Variants in EPS15L1 observed in about 807,000 individuals in gnomAD.
EPS15L1 encodes epidermal growth factor receptor substrate 15-like 1.
In EPS15L1, 43 loss-of-function variants were observed where a neutral mutation model predicts 117.1. That is an observed-to-expected ratio of 0.37 (90% CI 0.29 to 0.47). The LOEUF (loss-of-function observed/expected upper bound fraction) is 0.47, where lower values mean the gene tolerates loss of function less well. Among genes scored for constraint, EPS15L1 ranks in the 20% least tolerant of loss-of-function variants. EPS15L1 has a pLI of 0.99. For missense variants in EPS15L1, 981 were observed against 1,164.0 expected, an observed-to-expected ratio of 0.84 and a Z score of 2.29; for synonymous variants, 459 against 470.5, an observed-to-expected ratio of 0.98 and a Z score of 0.32.
intron 9 of EPS15L1, 41 bp downstream of exon 9, chr19:16,425,042 T>C: frequency 6.7e-7 from 1 of 1,493,752 alleles, no homozygotes; most frequent in Non-Finnish European, 9.3e-7. Context: ...AACATCCTAC[T>C]GTGCTCTGAG....
At chr19:16,407,817 C>T (rs577351233) in intron 13 of EPS15L1, among the ~76,000 whole-genome samples, 6 of 152,268 alleles carry the variant, frequency 3.9e-5, no homozygotes, top group Admixed American at 2.0e-4. Context: ...GTCATTGCTC[C>T]GTCAGGCCAC....
At chr19:16,444,232 T>A (rs1599660865) in intron 1 of EPS15L1, among the ~76,000 whole-genome samples, 1 of 143,292 alleles carries the variant, frequency 7.0e-6, no homozygotes, top group African/African-American at 2.6e-5. Context: ...AAAACTAGAA[T>A]AACATGAAAA....
At position 16,402,505 on chromosome 19, in the gene EPS15L1, T is replaced by C. The variant is rs1421664964; in HGVS notation, c.1627-20A>G. ...CCTTGCCTGTGCAACAAAGACATCA[T>C]CAGCATTAAGCAGGGTCAGGAAAAC... is the stretch of plus-strand genomic sequence containing the variant. On this transcript the variant is annotated intron_variant, in intron 15 of 23. Coordinates refer to ENST00000455140, the MANE Select transcript of EPS15L1 (RefSeq NM_001258374.3). 1.3e-6 allele frequency: 2 copies of C among 1,572,736 alleles called. No homozygotes were observed. Among genetic ancestry groups the C allele is most frequent in the African/African-American group, 1.4e-5 (1 of 72,764 alleles).
At chr19:16,469,710 C>A (rs937794742) in intron 1 of EPS15L1, among the ~76,000 whole-genome samples, 1 of 152,096 alleles carries the variant, frequency 6.6e-6, no homozygotes, top group African/African-American at 2.4e-5. Flanking sequence ...ACACACCCCT[C>A]CTCCCCTAGG....
At chr19:16,366,310 C>T (rs560515841) in intron 22 of EPS15L1, among the ~76,000 whole-genome samples, 5 of 152,218 alleles carry the variant, frequency 3.3e-5, no homozygotes, top group South Asian at 4.1e-4. Context: ...GCGACTGCCA[C>T]GGTACAGAAG....
chr19:16,449,271 C>A (rs1342434318), intron 1 of EPS15L1, among the ~76,000 whole-genome samples: 2 of 151,660 alleles, frequency 1.3e-5, no homozygotes, highest in Admixed American at 6.6e-5. Context: ...AACAAACAAA[C>A]AAACAAAAAA....
chr19:16,450,106 G>A (rs922407179), intron 1 of EPS15L1, among the ~76,000 whole-genome samples: 6 of 151,550 alleles, frequency 4.0e-5, no homozygotes, highest in African/African-American at 1.5e-4. Context: ...AAATAGCCAC[G>A]CATGGTGGCA....
chr19:16,444,145 G>T (rs181265407), intron 1 of EPS15L1, among the ~76,000 whole-genome samples: 2 of 119,958 alleles, frequency 1.7e-5, no homozygotes, highest in African/African-American at 6.3e-5. Flanking sequence ...ATAGCATAAA[G>T]ATCTGAAAGG....
In EPS15L1 at chr19:16,389,488, C is replaced by A. The variant is rs1450612189; in HGVS notation, c.2103+2816G>T. On this transcript the variant is annotated intron_variant, in intron 19 of 23. Transcript: ENST00000455140. Reference sequence around the variant, plus strand: ...AATAAAAAAATGACAACACAGTCGACCTGAGCTATAAGAAGTGCTAAAGAA... The same window carrying A: ...AATAAAAAAATGACAACACAGTCGAACTGAGCTATAAGAAGTGCTAAAGAA... Among the ~76,000 whole-genome samples the A allele has an allele frequency of 2.0e-5, 3 of 151,986 alleles. No individual in the cohort carries two copies. In the South Asian group the frequency reaches 6.2e-4, roughly 31 times the overall value.
At chr19:16,406,664 C>T (rs542701044) in intron 13 of EPS15L1, among the ~76,000 whole-genome samples, 10 of 152,244 alleles carry the variant, frequency 6.6e-5, no homozygotes, top group Non-Finnish European at 1.3e-4. Context: ...ACTAGGGGCT[C>T]CAACACCTTT....
At chr19:16,386,330 T>G in intron 19 of EPS15L1, 99 bp from the exon 20 acceptor site, 1 of 917,076 alleles carries the variant, frequency 1.1e-6, no homozygotes, top group Non-Finnish European at 1.8e-6. Context: ...CAACATCCAG[T>G]GCTGAGCCAG....
At chr19:16,401,195 C>G (rs554856429) in intron 16 of EPS15L1, 91 of 985,278 alleles carry the variant, frequency 9.2e-5, no homozygotes, top group Non-Finnish European at 1.1e-4. Flanking sequence ...AAGAGGGAGG[C>G]GGTGCACCCA....
At chr19:16,417,859 C>G in intron 11 of EPS15L1, 89 bp downstream of exon 11, 1 of 1,514,816 alleles carries the variant, frequency 6.6e-7, no homozygotes, top group South Asian at 1.3e-5. Flanking sequence ...CACCCGCCAC[C>G]GTGGGCTCAT....
chr19:16,362,680 T>C (rs1170774136), intron 22 of EPS15L1, among the ~76,000 whole-genome samples: 1 of 152,042 alleles, frequency 6.6e-6, no homozygotes, highest in African/African-American at 2.4e-5. Flanking sequence ...TGGCTAATTT[T>C]TGTATTTTTA....
Position 16,421,311 on chromosome 19 carries a change from G to C in EPS15L1, c.950+8C>G. 1 of 1,596,998 alleles carries C rather than the reference G, an allele frequency of 6.3e-7. No homozygotes were observed. The highest frequency in any genetic ancestry group is 8.6e-7 in the Non-Finnish European group (1 of 1,167,064). On this transcript the variant is annotated splice_region_variant and intron_variant, in intron 10 of 23. Coordinates refer to ENST00000455140, the MANE Select transcript of EPS15L1 (RefSeq NM_001258374.3). ...CCACAGCCACAACTGCCACCTGTCC[G>C]GCCTTACCATATGTGTGCTAGAAGG...
At chr19:16,402,724 A>AC (rs34606533) in intron 15 of EPS15L1, among the ~76,000 whole-genome samples, 151,624 of 151,628 alleles carry the variant, frequency 1, 75,810 homozygotes, top group Non-Finnish European at 1. Flanking sequence ...ACAAACCAAG[A>AC]CCCATCTCTG....
chr19:16,361,614 C>T, intron 23 of EPS15L1, 165 bp downstream of exon 23: 6 of 1,306,304 alleles, frequency 4.6e-6, no homozygotes, highest in East Asian at 2.9e-5. Flanking sequence ...AACTGTTTTT[C>T]TTACAGAAGT....
chr19:16,369,673 AAAAGT>A (rs1209133132), intron 22 of EPS15L1, among the ~76,000 whole-genome samples: 2 of 84,478 alleles, frequency 2.4e-5, no homozygotes, highest in Non-Finnish European at 4.5e-5. Context: ...TGGAAGAAAA[AAAAGT>A]GTGTGTGTGT....
chr19:16,406,078 G>A (rs1484549396), intron 13 of EPS15L1, among the ~76,000 whole-genome samples: 2 of 152,094 alleles, frequency 1.3e-5, no homozygotes, highest in African/African-American at 2.4e-5. Flanking sequence ...TGGCTGGGTG[G>A]TGGGGCTGAG....
Sources: gnomAD v4.1 joint callset for allele counts (sites outside exome capture counted in the v4.1 genomes callset) on GRCh38, gnomAD v4.1.1 for gene constraint, MANE v1.5 for transcripts, NCBI Gene and HGNC (gene_info 2026-07-23, HGNC 2026-07-21) for gene names.